GPC6: variants seen among roughly 807,000 people sequenced by gnomAD.
GPC6 encodes glypican 6.
In GPC6, 14 loss-of-function variants were observed where a neutral mutation model predicts 55.2. The ratio of observed to expected loss-of-function variants is 0.25; its 90% CI spans 0.17 to 0.40. The LOEUF (loss-of-function observed/expected upper bound fraction) is 0.40, where lower values mean the gene tolerates loss of function less well. Among genes scored for constraint, GPC6 ranks in the 10% least tolerant of loss-of-function variants. GPC6 has a pLI of 1.00. For synonymous variants in GPC6, 278 were observed against 259.6 expected (o/e 1.07, Z -0.68); for missense variants, 641 against 708.5 (o/e 0.90, Z 1.08).
At chr13:94,077,188 G>A (rs930549678) in intron 4 of GPC6, among the ~76,000 whole-genome samples, 2 of 151,546 alleles carry the variant, frequency 1.3e-5, no homozygotes, top group African/African-American at 4.8e-5. Flanking sequence ...CAGTGTACAA[G>A]GTTTTCACCT....
chr13:93,337,801 C>A (rs1043220756), intron 1 of GPC6, among the ~76,000 whole-genome samples: 1 of 152,158 alleles, frequency 6.6e-6, no homozygotes, highest in African/African-American at 2.4e-5. Flanking sequence ...CACTACCCTT[C>A]TGGTTATGTT....
Position 93,377,067 on chromosome 13 carries a change from G to T in GPC6, c.160+149451G>T, listed in dbSNP as rs550896084. 1.1e-4 allele frequency among the ~76,000 whole-genome samples: 16 copies of T among 152,150 alleles called. No homozygotes were observed. In the South Asian group the frequency reaches 3.1e-3, roughly 30 times the overall value. On this transcript the variant is annotated intron_variant, in intron 1 of 8. Transcript: ENST00000377047. ...TTCTAACTTAGATGGTTTCACAAAT[G>T]CACAGTTGTACAAATGTACACACAT...
At chr13:93,881,334 T>C (rs1874961686) in intron 3 of GPC6, among the ~76,000 whole-genome samples, 1 of 152,138 alleles carries the variant, frequency 6.6e-6, no homozygotes, top group Non-Finnish European at 1.5e-5. Flanking sequence ...AGAATTGTGG[T>C]GAAAAAGACT....
At chr13:93,876,174 G>T (rs1015312896) in intron 3 of GPC6, among the ~76,000 whole-genome samples, 3 of 150,950 alleles carry the variant, frequency 2.0e-5, no homozygotes, top group African/African-American at 7.3e-5. Context: ...CACTCTTTTT[G>T]TGCATTGCTT....
chr13:93,664,146 A>C (rs554750396), intron 2 of GPC6, among the ~76,000 whole-genome samples: 74 of 152,280 alleles, frequency 4.9e-4, no homozygotes, highest in African/African-American at 1.6e-3. Flanking sequence ...ATAAGGATAT[A>C]ACTATATAAT....
chr13:93,870,968 T>A (rs1889114545), intron 3 of GPC6, among the ~76,000 whole-genome samples: 2 of 151,902 alleles, frequency 1.3e-5, no homozygotes, highest in African/African-American at 4.8e-5. Context: ...AATCTTTATT[T>A]CAGCTATTCA....
intron 1 of GPC6, among the ~76,000 whole-genome samples, chr13:93,394,106 G>C (rs1875755541): frequency 6.6e-6 from 1 of 152,120 alleles, no homozygotes; most frequent in Non-Finnish European, 1.5e-5. Context: ...CTCCTGCAAG[G>C]ATCCTTTCAA....
At chr13:93,985,853 T>G (rs908301110) in intron 3 of GPC6, among the ~76,000 whole-genome samples, 1 of 152,070 alleles carries the variant, frequency 6.6e-6, no homozygotes, top group Non-Finnish European at 1.5e-5. Context: ...AGCCCAGGGC[T>G]AAACTAAAAA....
At chr13:94,124,026 G>A (rs1886724472) in intron 4 of GPC6, among the ~76,000 whole-genome samples, 1 of 152,062 alleles carries the variant, frequency 6.6e-6, no homozygotes, top group Non-Finnish European at 1.5e-5. Flanking sequence ...TGAAAATGGG[G>A]AGGGGGAATC....
chr13:93,417,067 T>C (rs184167888), intron 1 of GPC6, among the ~76,000 whole-genome samples: 91 of 152,274 alleles, frequency 6.0e-4, no homozygotes, highest in Non-Finnish European at 1.1e-3. Context: ...GCTCTGTTTT[T>C]ATTGTGTCTG....
intron 7 of GPC6, among the ~76,000 whole-genome samples, chr13:94,397,099 T>C (rs1482166151): frequency 6.6e-6 from 1 of 152,108 alleles, no homozygotes; most frequent in Admixed American, 6.5e-5. Flanking sequence ...AAGGGTGATA[T>C]GATGAAAGCA....
chr13:94,388,198 TG>T (rs1880495498), intron 7 of GPC6, among the ~76,000 whole-genome samples: 1 of 152,250 alleles, frequency 6.6e-6, no homozygotes, highest in African/African-American at 2.4e-5. Flanking sequence ...CCTATTAACA[TG>T]TAAGATATTA....
At chr13:93,580,194 A>G (rs2139487196) in intron 2 of GPC6, among the ~76,000 whole-genome samples, 1 of 152,072 alleles carries the variant, frequency 6.6e-6, no homozygotes, top group South Asian at 2.1e-4. Context: ...TCTCACTGTG[A>G]CCTCACCTGG....
intron 2 of GPC6, among the ~76,000 whole-genome samples, chr13:93,779,781 A>G (rs1885579880): frequency 6.6e-6 from 1 of 152,126 alleles, no homozygotes; most frequent in African/African-American, 2.4e-5. Context: ...GGCACCACGC[A>G]TGTACCTTAG....
chr13:94,207,823 A>C (rs1052804557), intron 4 of GPC6, among the ~76,000 whole-genome samples: 7 of 152,172 alleles, frequency 4.6e-5, no homozygotes, highest in African/African-American at 1.7e-4. Context: ...TAGGGGCTTC[A>C]ACTTGCTCTT....
At chr13:93,414,176 A>G (rs980526263) in intron 1 of GPC6, among the ~76,000 whole-genome samples, 6 of 152,024 alleles carry the variant, frequency 3.9e-5, no homozygotes, top group South Asian at 2.1e-4. Flanking sequence ...AACCATGTCA[A>G]CTAGGTACTT....
chr13:93,997,198 A>C (rs1881593909), intron 3 of GPC6, among the ~76,000 whole-genome samples: 1 of 152,200 alleles, frequency 6.6e-6, no homozygotes. Flanking sequence ...TAAGTGAATG[A>C]ATGAATGTTT....
At chr13:93,763,303 G>C (rs183077488) in intron 2 of GPC6, among the ~76,000 whole-genome samples, 10 of 152,270 alleles carry the variant, frequency 6.6e-5, no homozygotes, top group Admixed American at 6.5e-4. Context: ...GATTCCCTAT[G>C]ATGCATGGAG....
At chr13:93,390,185 T>C (rs9524041) in intron 1 of GPC6, among the ~76,000 whole-genome samples, 150,498 of 151,816 alleles carry the variant, frequency 0.99, 74,612 homozygotes, top group Middle Eastern at 1. Flanking sequence ...TTTTTTTTTT[T>C]CTTTTTCCTT....
Sources: gnomAD v4.1 joint callset for allele counts (sites outside exome capture counted in the v4.1 genomes callset) on GRCh38, gnomAD v4.1.1 for gene constraint, MANE v1.5 for transcripts, NCBI Gene and HGNC (gene_info 2026-07-23, HGNC 2026-07-21) for gene names.